CLIC5: variants seen among roughly 807,000 people sequenced by gnomAD.
CLIC5 encodes chloride intracellular channel protein 5.
Under a neutral mutation model 24.7 loss-of-function variants are expected in CLIC5, and 20 were observed. That is an observed-to-expected ratio of 0.81 (90% CI 0.57 to 1.18). The LOEUF (loss-of-function observed/expected upper bound fraction) is 1.18. Ranked by LOEUF, CLIC5 falls within the 50% of genes most tolerant of loss-of-function variation. CLIC5 has a pLI of 0.00. For missense variants in CLIC5, 341 were observed against 326.1 expected (o/e 1.05, Z -0.35); for synonymous variants, 159 against 135.6 (o/e 1.17, Z -1.20).
chr6:46,052,017 T>G (rs551493600), intron 1 of CLIC5, among the ~76,000 whole-genome samples: 1 of 152,292 alleles, frequency 6.6e-6, no homozygotes, highest in South Asian at 2.1e-4. Context: ...CAGCAAACAT[T>G]GTTAATGTCT....
chr6:46,000,277 G>A (rs1334347405), intron 1 of CLIC5, among the ~76,000 whole-genome samples: 1 of 152,110 alleles, frequency 6.6e-6, no homozygotes, highest in East Asian at 1.9e-4. Context: ...ACGTTGTTTG[G>A]AGGTTAACTG....
the CLIC5 span, among the ~76,000 whole-genome samples, chr6:46,126,807 G>A: frequency 6.6e-6 from 1 of 152,196 alleles, no homozygotes; most frequent in Non-Finnish European, 1.5e-5. Flanking sequence ...TGGGAAGCGT[G>A]TGGCTTTTGC....
chr6:45,888,643 T>G (rs1348115283), intron 6 of CLIC5, among the ~76,000 whole-genome samples: 2 of 152,238 alleles, frequency 1.3e-5, no homozygotes, highest in African/African-American at 4.8e-5. Context: ...ATTACATAAT[T>G]TTCAAAGTAG....
At chr6:45,977,868 ACAT>A (rs1449101867) in intron 1 of CLIC5, among the ~76,000 whole-genome samples, 1 of 152,218 alleles carries the variant, frequency 6.6e-6, no homozygotes, top group Non-Finnish European at 1.5e-5. Context: ...CAAATACTAA[ACAT>A]CAACAATGTG....
chr6:46,051,524 C>G (rs563654227), intron 1 of CLIC5, among the ~76,000 whole-genome samples: 9 of 152,276 alleles, frequency 5.9e-5, no homozygotes, highest in Non-Finnish European at 1.3e-4. Flanking sequence ...TAGGGTTTCT[C>G]TCCTTTTTTT....
At chr6:45,946,520 T>A (rs1764293838) in intron 3 of CLIC5, among the ~76,000 whole-genome samples, 1 of 152,190 alleles carries the variant, frequency 6.6e-6, no homozygotes, top group Non-Finnish European at 1.5e-5. Flanking sequence ...AATAGTGGTA[T>A]GATGAGAAAC....
chr6:45,984,537 A>C (rs1765669419), intron 1 of CLIC5, among the ~76,000 whole-genome samples: 2 of 152,252 alleles, frequency 1.3e-5, no homozygotes, highest in South Asian at 4.1e-4. Flanking sequence ...TTTTGTTTTG[A>C]GGTTCTAGGT....
At chr6:45,972,573 C>T (rs2127405343) in intron 1 of CLIC5, among the ~76,000 whole-genome samples, 1 of 152,326 alleles carries the variant, frequency 6.6e-6, no homozygotes, top group East Asian at 1.9e-4. Context: ...TGCAGCCTTG[C>T]TGCTCAAAGT....
chr6:45,995,547 C>T (rs1170383834), intron 1 of CLIC5, among the ~76,000 whole-genome samples: 1 of 152,182 alleles, frequency 6.6e-6, no homozygotes. Flanking sequence ...ACTGGGTTGA[C>T]ATTTCTGTTT....
intron 4 of CLIC5, among the ~76,000 whole-genome samples, chr6:45,935,743 G>T (rs1406064178): frequency 1.3e-5 from 2 of 152,176 alleles, no homozygotes; most frequent in African/African-American, 4.8e-5. Context: ...TTCTAAGGGA[G>T]CAGGGTTTGT....
At chr6:46,014,150 A>T (rs1562004942) in intron 1 of CLIC5, 1 of 152,260 alleles carries the variant, frequency 6.6e-6, no homozygotes, top group Non-Finnish European at 1.5e-5. Flanking sequence ...CTTGAAAAAT[A>T]AACACAAAGA....
chr6:45,894,422 T>A (rs1349796010), downstream of CLIC5, among the ~76,000 whole-genome samples: 1 of 152,048 alleles, frequency 6.6e-6, no homozygotes, highest in East Asian at 1.9e-4. Flanking sequence ...GAGTAAAAAA[T>A]TAGAGTGACC....
intron 1 of CLIC5, among the ~76,000 whole-genome samples, chr6:45,996,699 G>T (rs2127428841): frequency 6.6e-6 from 1 of 152,226 alleles, no homozygotes; most frequent in African/African-American, 2.4e-5. Context: ...CGAAGGATAT[G>T]AACAGACACT....
chr6:45,979,035 G>A lies in CLIC5; in HGVS notation c.64-23791C>T, dbSNP rs542989960. On this transcript the variant is annotated intron_variant, in intron 1 of 5. Transcript: ENST00000339561. ...CAACAGCCAGAGTTTGAAAAAAAAT[G>A]CACAACAGGGTGGGATACACAACAG... 2.6e-5 allele frequency among the ~76,000 whole-genome samples: 4 copies of A among 151,680 alleles called. No individual in the cohort carries two copies. The Middle Eastern group carries it at 0.01, about 390-fold the overall frequency.
At chr6:45,934,051 A>C in intron 4 of CLIC5, among the ~76,000 whole-genome samples, 1 of 152,144 alleles carries the variant, frequency 6.6e-6, no homozygotes, top group East Asian at 1.9e-4. Flanking sequence ...CAGCAGGAAT[A>C]TTTGTTATTC....
intron 1 of CLIC5, among the ~76,000 whole-genome samples, chr6:45,959,474 T>A (rs1272745554): frequency 6.6e-6 from 1 of 152,256 alleles, no homozygotes; most frequent in Non-Finnish European, 1.5e-5. Context: ...AGAAGTCGGC[T>A]TCCACATTTA....
chr6:45,950,320 G>A (rs183836985), intron 2 of CLIC5, among the ~76,000 whole-genome samples: 1 of 152,094 alleles, frequency 6.6e-6, no homozygotes, highest in East Asian at 1.9e-4. Context: ...CACCACTTTG[G>A]GAGGGTGAGG....
intron 1 of CLIC5, chr6:46,079,572 C>T (rs532068990): frequency 4.1e-5 from 31 of 753,832 alleles, no homozygotes; most frequent in South Asian, 2.5e-4. Context: ...TTAGTCCCTC[C>T]GACTCCTGAA....
downstream of CLIC5, among the ~76,000 whole-genome samples, chr6:45,893,506 C>T (rs1029718744): frequency 3.3e-5 from 5 of 152,134 alleles, no homozygotes; most frequent in East Asian, 1.9e-4. Context: ...ATTTCAGGTT[C>T]TCTTGCTTCA....
Sources: allele counts gnomAD v4.1 joint callset (sites outside exome capture counted in the v4.1 genomes callset), GRCh38; gene constraint gnomAD v4.1.1; transcripts MANE v1.5; gene names NCBI Gene and HGNC (gene_info 2026-07-23, HGNC 2026-07-21).